BIRC3: variants seen among roughly 807,000 people sequenced by gnomAD.
BIRC3 encodes the protein baculoviral IAP repeat containing 3, also known as baculoviral IAP repeat-containing protein 3.
BIRC3 carries 26 observed loss-of-function variants against 59.0 expected under a neutral mutation model. The ratio of observed to expected loss-of-function variants is 0.44; its 90% CI spans 0.32 to 0.61. The LOEUF (loss-of-function observed/expected upper bound fraction) is 0.61, where lower values mean the gene tolerates loss of function less well. Ranked by LOEUF, BIRC3 falls within the 20% of genes least tolerant of loss-of-function variation. BIRC3 has a pLI of 0.04. For synonymous variants in BIRC3, 243 were observed against 249.2 expected, an observed-to-expected ratio of 0.98 and a Z score of 0.24; for missense variants, 641 against 711.5, an observed-to-expected ratio of 0.90 and a Z score of 1.13.
intron 6 of BIRC3, 43 bp from the exon 7 acceptor site, chr11:102,335,923 G>A: frequency 3.2e-6 from 5 of 1,560,252 alleles, no homozygotes; most frequent in Non-Finnish European, 4.3e-6. Context: ...AAGTTTGTGA[G>A]CAGAGTTTGA....
chr11:102,328,527 A>G (rs1301126147), intron 4 of BIRC3, among the ~76,000 whole-genome samples: 1 of 150,798 alleles, frequency 6.6e-6, no homozygotes, highest in Non-Finnish European at 1.5e-5. Flanking sequence ...CCTAGCCATG[A>G]GCAATGAAAC....
intron 6 of BIRC3, among the ~76,000 whole-genome samples, chr11:102,331,508 G>GTGTC (rs749624614): frequency 5.3e-5 from 8 of 151,870 alleles, no homozygotes; most frequent in Non-Finnish European, 8.8e-5. Context: ...AGCTGACGTT[G>GTGTC]TGTCCAATTA....
chr11:102,330,961 G>C (rs753742949), intron 5 of BIRC3, 38 bp from the exon 6 acceptor site: 1 of 1,517,094 alleles, frequency 6.6e-7, no homozygotes. Flanking sequence ...GAAATATAAG[G>C]CTATCCTAAT....
At chr11:102,317,958 G>A (rs1950988045) in intron 1 of BIRC3, among the ~76,000 whole-genome samples, 1 of 152,274 alleles carries the variant, frequency 6.6e-6, no homozygotes, top group African/African-American at 2.4e-5. Flanking sequence ...CGTTTAATGA[G>A]CAAATGGACG....
At position 102,321,394 on chromosome 11, in the gene BIRC3, A is replaced by G. The variant is rs183446722; in HGVS notation, c.-2673-443A>G. Among the ~76,000 whole-genome samples, 368 of 152,200 alleles carry G rather than the reference A, an allele frequency of 2.4e-3. 2 individuals carry two copies. The highest frequency in any genetic ancestry group is 4.7e-3 in the Admixed American group (72 of 15,280). On this transcript the variant is annotated intron_variant, in intron 1 of 8. Coordinates refer to ENST00000263464, the MANE Select transcript of BIRC3 (RefSeq NM_001165.5). ...TTTTGAGACAGAGTCTTGCTGTGTC[A>G]CCCAGGCTGGAGTGTAGTGGCACTA...
intron 5 of BIRC3, among the ~76,000 whole-genome samples, chr11:102,329,670 A>G (rs1591523000): frequency 1.3e-5 from 2 of 152,198 alleles, no homozygotes; most frequent in Admixed American, 1.3e-4. Flanking sequence ...CATCATTCTG[A>G]GCAAACTATC....
At chr11:102,336,650 C>A in intron 7 of BIRC3, 110 bp from the exon 8 acceptor site, 1 of 1,031,630 alleles carries the variant, frequency 9.7e-7, no homozygotes, top group East Asian at 2.5e-5. Flanking sequence ...CTTCTGTTGC[C>A]TTGAAATGAG....
At chr11:102,321,049 A>T (rs1362033393) in intron 1 of BIRC3, among the ~76,000 whole-genome samples, 3 of 152,212 alleles carry the variant, frequency 2.0e-5, no homozygotes, top group African/African-American at 7.2e-5. Flanking sequence ...GGTAAGATTT[A>T]AAAATACTGT....
chr11:102,333,966 A>G (rs1286507406), intron 6 of BIRC3, among the ~76,000 whole-genome samples: 1 of 152,140 alleles, frequency 6.6e-6, no homozygotes, highest in Non-Finnish European at 1.5e-5. Flanking sequence ...AGTATTTGTG[A>G]TGGTGTATGC....
At chr11:102,336,855 T>G in intron 8 of BIRC3, 54 bp downstream of exon 8, 3 of 1,588,546 alleles carry the variant, frequency 1.9e-6, no homozygotes, top group Non-Finnish European at 2.6e-6. Context: ...ATTTTCTTAG[T>G]TTTTCACTGA....
In BIRC3 at chr11:102,324,633, G is replaced by A; in HGVS notation, c.124G>A (p.Gly42Arg). The A allele has an allele frequency of 6.2e-7, 1 of 1,614,110 alleles. No individual in the cohort carries two copies. The highest frequency in any genetic ancestry group is 8.5e-7 in the Non-Finnish European group (1 of 1,180,002). The change falls in exon 2 of 9, where the codon GGG (glycine) becomes AGG (arginine). Residue 42 changes from glycine (G) to arginine (R), a missense_variant. By Grantham distance (125) the Gly-to-Arg change is moderately radical (BLOSUM62 -2). Transcript: ENST00000263464. ...GTCTACGTATTCCACTTTTCCTGCT[G>A]GGGTTCCTGTCTCAGAAAGGAGTCT... ...RMSTYSTFPAGVPVSERSLAR... is the reference protein window; with the variant it reads ...RMSTYSTFPARVPVSERSLAR...
intron 1 of BIRC3, among the ~76,000 whole-genome samples, chr11:102,318,887 A>C (rs948641849): frequency 3.9e-5 from 6 of 152,192 alleles, no homozygotes; most frequent in African/African-American, 1.4e-4. Flanking sequence ...TGGTGTTATT[A>C]ACACCGAAAG....
At chr11:102,335,887 C>A (rs1951190279) in intron 6 of BIRC3, 79 bp from the exon 7 acceptor site, 1 of 1,396,210 alleles carries the variant, frequency 7.2e-7, no homozygotes, top group Admixed American at 2.3e-5. Flanking sequence ...TAGTTTTTAT[C>A]CTGCTATATA....
rs776938400 is a variant in BIRC3 at position 102,336,179 on chromosome 11, C to T, written c.1538C>T (p.Ser513Phe). 6.2e-7 allele frequency: 1 copy of T among 1,613,316 alleles called. No homozygotes were observed. ...GNIAATVFRN[S>F]LQEAEAVLYE... is the part of the protein sequence containing the mutation. ...ATTGCAGCCACTGTATTCAGAAACT[C>T]TCTGCAAGAAGCTGAAGCTGTGTTA... Residue 513 changes from serine (S) to phenylalanine (F), a missense_variant, in exon 7 of 9, where the codon TCT becomes TTT. This residue lies in a region of BIRC3 where 268 missense variants were observed against 255.7 expected (regional missense o/e 1.05). Transcript: ENST00000263464.
At chr11:102,328,224 T>G in intron 4 of BIRC3, 94 bp downstream of exon 4, 1 of 933,774 alleles carries the variant, frequency 1.1e-6, no homozygotes, top group Non-Finnish European at 1.7e-6. Flanking sequence ...AAGACAAGAG[T>G]TGTTTTAGAA....
In BIRC3 at chr11:102,324,306, C is replaced by A. The variant is rs1951059718; in HGVS notation, c.-204C>A. The A allele has an allele frequency of 3.9e-6, 2 of 506,750 alleles. No individual in the cohort carries two copies. 31.4% of individuals were successfully genotyped at this position (506,750 alleles called of 1,614,324 possible). On this transcript the variant is annotated 5_prime_UTR_variant, in exon 2 of 9. Coordinates refer to ENST00000263464, the MANE Select transcript of BIRC3 (RefSeq NM_001165.5). ...TATGTATAAAGATTATACAAAGGTG[C>A]AATTGTGTATTTCTTCCTTAAAATG...
Position 102,324,518 on chromosome 11 carries a change from A to G in BIRC3, c.9A>G (p.Ile3Met). 6.2e-7 allele frequency: 1 copy of G among 1,610,220 alleles called. No individual in the cohort carries two copies. The highest frequency in any genetic ancestry group is 8.5e-7 in the Non-Finnish European group (1 of 1,177,732). ...TCCCCATTCATTTCATTATGAACAT[A>G]GTAGAAAACAGCATATTCTTATCAA... MNIVENSIFLSNL... is the reference protein window; with the variant it reads MNMVENSIFLSNL... The change falls in exon 2 of 9, where the codon ATA becomes ATG. Residue 3 changes from isoleucine to methionine, a missense_variant. Transcript: ENST00000263464.
rs1591519809 is a variant in BIRC3 at position 102,323,592 on chromosome 11, G to C, written c.-918G>C. 1.0e-5 allele frequency: 2 copies of C among 190,698 alleles called. No homozygotes were observed. Among genetic ancestry groups the C allele is most frequent in the East Asian group, 1.7e-4 (2 of 11,944 alleles). 11.8% of individuals were successfully genotyped at this position (190,698 alleles called of 1,614,324 possible). On this transcript the variant is annotated 5_prime_UTR_variant, in exon 2 of 9. Coordinates refer to ENST00000263464, the MANE Select transcript of BIRC3 (RefSeq NM_001165.5). The stretch of plus-strand genomic sequence containing the variant: ...ATTATACTTAAGCAATCATATTCCT[G>C]ATGATCTATGGGAAATAACTATTAT...
intron 1 of BIRC3, among the ~76,000 whole-genome samples, chr11:102,320,981 G>A (rs1393657570): frequency 6.6e-6 from 1 of 152,222 alleles, no homozygotes; most frequent in Non-Finnish European, 1.5e-5. Context: ...TTCAAGAGAA[G>A]CTTGGAATCT....
Sources: gnomAD v4.1 joint callset for allele counts (sites outside exome capture counted in the v4.1 genomes callset) on GRCh38, gnomAD v4.1.1 for gene constraint, gnomAD v4.1.1 regional missense constraint, MANE v1.5 for transcripts, NCBI Gene and HGNC (gene_info 2026-07-23, HGNC 2026-07-21) for gene names.